Variants in CCDC171 observed in about 807,000 individuals in gnomAD.
CCDC171 encodes coiled-coil domain-containing protein 171.
CCDC171 carries 177 observed loss-of-function variants against 168.2 expected under a neutral mutation model. That is an observed-to-expected ratio of 1.05 (90% CI 0.93 to 1.19). The LOEUF is 1.19. Ranked by LOEUF, CCDC171 falls within the 50% of genes most tolerant of loss-of-function variation. The pLI is 0.00. For missense variants in CCDC171, 1,991 were observed against 1,539.0 expected (o/e 1.29, Z -4.91); for synonymous variants, 687 against 540.8 (o/e 1.27, Z -3.75).
chr9:15,710,081 A>C (rs1228752544), intron 11 of CCDC171, among the ~76,000 whole-genome samples: 1 of 152,182 alleles, frequency 6.6e-6, no homozygotes, highest in Non-Finnish European at 1.5e-5. Flanking sequence ...TTGTATTCAT[A>C]AATATTTAAC....
downstream of CCDC171, among the ~76,000 whole-genome samples, chr9:15,978,173 C>G (rs1172006253): frequency 1.3e-5 from 2 of 152,120 alleles, 1 homozygote; most frequent in Non-Finnish European, 2.9e-5. Context: ...GACTATTGAA[C>G]TCATTGTAAA....
At chr9:15,793,338 C>T (rs12349973) in intron 21 of CCDC171, among the ~76,000 whole-genome samples, 68,213 of 150,846 alleles carry the variant, frequency 0.45, 15,686 homozygotes, top group East Asian at 0.65. Context: ...TCCTTAGAGA[C>T]CTACAAAGAG....
chr9:15,658,204 G>A (rs1015649601), intron 8 of CCDC171, among the ~76,000 whole-genome samples: 1 of 152,200 alleles, frequency 6.6e-6, no homozygotes, highest in Non-Finnish European at 1.5e-5. Context: ...GGAGATAATG[G>A]TGGGAAGGCA....
intron 7 of CCDC171, among the ~76,000 whole-genome samples, chr9:15,633,154 A>T (rs989744428): frequency 6.6e-6 from 1 of 152,228 alleles, no homozygotes; most frequent in African/African-American, 2.4e-5. Context: ...ATGGCAAGAA[A>T]AGCCAAAATT....
intron 6 of CCDC171, among the ~76,000 whole-genome samples, chr9:16,030,802 A>C (rs1420541616): frequency 6.6e-6 from 1 of 151,690 alleles, no homozygotes; most frequent in African/African-American, 2.4e-5. Context: ...TACCATTCCC[A>C]CTCCATGTGA....
intron 21 of CCDC171, among the ~76,000 whole-genome samples, chr9:15,788,276 A>G (rs1272394734): frequency 6.6e-6 from 1 of 152,224 alleles, no homozygotes; most frequent in African/African-American, 2.4e-5. Context: ...TTCTGCAGAA[A>G]TAAGGATAAT....
At chr9:16,108,550 T>C in the CCDC171 span, among the ~76,000 whole-genome samples, 2 of 152,204 alleles carry the variant, frequency 1.3e-5, no homozygotes, top group Non-Finnish European at 2.9e-5. Flanking sequence ...TCTTCATGGA[T>C]TCTGAAGTGA....
At chr9:16,074,383 C>T in the CCDC171 span, among the ~76,000 whole-genome samples, 2 of 152,130 alleles carry the variant, frequency 1.3e-5, no homozygotes, top group Non-Finnish European at 2.9e-5. Context: ...TACATTCTGC[C>T]ATGTTGAACC....
At chr9:15,554,689 T>C (rs958188102) in intron 1 of CCDC171, among the ~76,000 whole-genome samples, 1 of 152,222 alleles carries the variant, frequency 6.6e-6, no homozygotes, top group African/African-American at 2.4e-5. Context: ...AGGTTGATTA[T>C]GTACCTATGC....
At chr9:15,786,049 C>T (rs758496834) in intron 21 of CCDC171, among the ~76,000 whole-genome samples, 10 of 151,934 alleles carry the variant, frequency 6.6e-5, no homozygotes, top group Non-Finnish European at 1.2e-4. Context: ...ATGTCCTTTA[C>T]GAAGAGGAAT....
intron 21 of CCDC171, among the ~76,000 whole-genome samples, chr9:15,799,135 C>CATATATATAT (rs57651824): frequency 0.056 from 6,082 of 108,356 alleles, 343 homozygotes; most frequent in Admixed American, 0.068. Context: ...TCATCATTGC[C>CATATATATAT]ATATATATAT....
rs140792485 is a variant in CCDC171, at chr9:15,846,795, C to G, written c.3361C>G (p.Arg1121Gly). 3.1e-6 allele frequency: 5 copies of G among 1,611,386 alleles called. No individual in the cohort carries two copies. The African/African-American group carries it at 6.7e-5, about 22-fold the overall frequency. ...HLTQLEQDKRRLEENIHDAES... is the reference protein window; with the variant it reads ...HLTQLEQDKRGLEENIHDAES... ...TACCCAGCTGGAGCAGGACAAGCGT[C>G]GACTGGAGGAGAACATCCATGATGC... Residue 1121 changes from arginine to glycine, a missense_variant, in exon 22 of 26, where the codon CGA becomes GGA. By Grantham distance (125) the Arg-to-Gly change is moderately radical. Transcript: ENST00000380701.
chr9:15,716,605 A>AT (rs1269495991), intron 11 of CCDC171, among the ~76,000 whole-genome samples: 1 of 152,074 alleles, frequency 6.6e-6, no homozygotes, highest in Admixed American at 6.6e-5. Flanking sequence ...AAGAAAGGAG[A>AT]TTTATTTCTT....
rs537109329 is a variant in CCDC171, at chr9:15,580,124, A to G, written c.352+1101A>G. 1.1e-3 allele frequency among the ~76,000 whole-genome samples: 173 copies of G among 152,320 alleles called. No individual in the cohort carries two copies. In the Middle Eastern group the frequency reaches 0.014, roughly 12 times the overall value. The stretch of plus-strand genomic sequence containing the variant: ...AACAAAAACATAAAGTGGGGAAAGG[A>G]CACCCTATTCACCAGTAGTGCTGGG... On this transcript the variant is annotated intron_variant, in intron 4 of 25. Transcript: ENST00000380701.
At chr9:15,923,570 C>G (rs1442043918) in intron 25 of CCDC171, among the ~76,000 whole-genome samples, 1 of 151,128 alleles carries the variant, frequency 6.6e-6, no homozygotes, top group Non-Finnish European at 1.5e-5. Flanking sequence ...GAAATAAGTT[C>G]TAGATCTCTT....
intron 6 of CCDC171, among the ~76,000 whole-genome samples, chr9:15,613,490 CA>C (rs34310592): frequency 0.14 from 21,395 of 151,070 alleles, 1,625 homozygotes; most frequent in Non-Finnish European, 0.18. Flanking sequence ...TTAATAAAAA[CA>C]AATGGTTTTG....
chr9:15,989,954 G>C (rs1217982451), intron 3 of CCDC171, among the ~76,000 whole-genome samples: 2 of 152,172 alleles, frequency 1.3e-5, no homozygotes, highest in Admixed American at 6.5e-5. Flanking sequence ...ATGTCTGATT[G>C]GTGTACTTGA....
At chr9:15,648,082 G>C (rs536179451) in intron 7 of CCDC171, among the ~76,000 whole-genome samples, 94 of 152,290 alleles carry the variant, frequency 6.2e-4, no homozygotes, top group African/African-American at 2.2e-3. Flanking sequence ...GGGATGCAAG[G>C]CTGGTTCAAC....
intron 3 of CCDC171, among the ~76,000 whole-genome samples, chr9:15,983,016 A>C (rs1831853264): frequency 6.6e-6 from 1 of 152,128 alleles, no homozygotes. Flanking sequence ...TCCCACTGAA[A>C]CATGTTCGTT....
Sources: gnomAD v4.1 joint callset for allele counts (sites outside exome capture counted in the v4.1 genomes callset) on GRCh38, gnomAD v4.1.1 for gene constraint, MANE v1.5 for transcripts, NCBI Gene and HGNC (gene_info 2026-07-23, HGNC 2026-07-21) for gene names.